The following PROM1 variants were observed in gnomAD, a reference collection of about 807,000 sequenced individuals.
PROM1 encodes the protein prominin-1.
Under a neutral mutation model 116.9 loss-of-function variants are expected in PROM1, and 105 were observed. The ratio of observed to expected loss-of-function variants is 0.90; its 90% CI spans 0.77 to 1.06. The LOEUF (loss-of-function observed/expected upper bound fraction) is 1.06. PROM1 is among the 50% of genes least tolerant of loss of function. The probability of loss-of-function intolerance (pLI) is 0.00; values close to 1 mark genes in which losing one functional copy is unlikely to be tolerated. For missense variants in PROM1, 1,122 were observed against 1,045.2 expected (o/e 1.07, Z -1.01); for synonymous variants, 393 against 387.0 (o/e 1.02, Z -0.18).
At chr4:16,032,725 T>C (rs1333508972) in intron 5 of PROM1, among the ~76,000 whole-genome samples, 2 of 152,218 alleles carry the variant, frequency 1.3e-5, no homozygotes, top group African/African-American at 4.8e-5. Context: ...TGGAAAACTT[T>C]TGAAAGCAGC....
chr4:16,020,475 A>G (rs1037037654), intron 8 of PROM1, among the ~76,000 whole-genome samples: 10 of 152,192 alleles, frequency 6.6e-5, no homozygotes, highest in Admixed American at 1.3e-4. Flanking sequence ...GCAAAACAGA[A>G]AAGAACTCAG....
intron 2 of PROM1, among the ~76,000 whole-genome samples, chr4:16,054,606 T>C (rs566761890): frequency 2.6e-5 from 4 of 152,306 alleles, no homozygotes; most frequent in Admixed American, 2.6e-4. Flanking sequence ...AATTTTCTCA[T>C]CTGTAAAATG....
chr4:16,028,632 T>C (rs1293367266), intron 5 of PROM1, among the ~76,000 whole-genome samples: 4 of 152,234 alleles, frequency 2.6e-5, no homozygotes, highest in Non-Finnish European at 5.9e-5. Flanking sequence ...TTCAGTGTAT[T>C]TTTTAGCAAA....
chr4:15,996,587 G>A (rs886599359), intron 15 of PROM1, among the ~76,000 whole-genome samples: 2 of 152,124 alleles, frequency 1.3e-5, no homozygotes, highest in African/African-American at 4.8e-5. Context: ...AATAACTTCT[G>A]TGGTTTGGCT....
rs1038075441 is a variant in PROM1, at chr4:16,026,369, A to G, written c.510-1057T>C. 2.6e-5 allele frequency among the ~76,000 whole-genome samples: 4 copies of G among 152,200 alleles called. 1 individual carries two copies. The highest frequency in any genetic ancestry group is 4.4e-5 in the Non-Finnish European group (3 of 68,042). On this transcript the variant is annotated intron_variant, in intron 5 of 27. Coordinates refer to ENST00000447510, the MANE Select transcript of PROM1 (RefSeq NM_006017.3). ...TGAATTTGGCCACTAGATGGCAGTA[A>G]GGAACTACATAAACATAGCCGAACT...
chr4:16,069,010 G>A (rs544275753), intron 2 of PROM1, among the ~76,000 whole-genome samples: 5 of 152,270 alleles, frequency 3.3e-5, no homozygotes, highest in African/African-American at 7.2e-5. Context: ...CAAGGCATGC[G>A]GATCACCTGA....
intron 1 of PROM1, chr4:16,083,592 A>G (rs1180906972): frequency 6.6e-6 from 1 of 152,338 alleles, no homozygotes; most frequent in Non-Finnish European, 1.5e-5. Context: ...AGTACAGTGG[A>G]AGGAGTGCGC....
At position 16,000,540 on chromosome 4, in the gene PROM1, C is replaced by A. The variant is rs767897583; in HGVS notation, c.1534G>T (p.Glu512Ter). The change falls in exon 14 of 28, where the codon GAA becomes TAA. Residue 512 changes from glutamate to a stop codon, truncating the protein, a stop_gained. Transcript: ENST00000447510. LOFTEE classifies it high-confidence loss of function. The part of the protein sequence containing the change: ...VLTFVFGANV[E>*]KLICEPYTSK... ...GTGTAAGGTTCACAGATCAGTTTTT[C>A]CACATTTGCACCAAAGACAAAGGTA... is the stretch of plus-strand genomic sequence containing the variant. 1.3e-6 allele frequency: 2 copies of A among 1,595,166 alleles called. No homozygotes were observed. The highest frequency in any genetic ancestry group is 1.7e-6 in the Non-Finnish European group (2 of 1,163,300).
intron 2 of PROM1, among the ~76,000 whole-genome samples, chr4:16,063,793 G>A (rs1326227101): frequency 6.6e-6 from 1 of 152,136 alleles, no homozygotes. Flanking sequence ...TAATAGCATT[G>A]TTCTTATTTT....
intron 1 of PROM1, among the ~76,000 whole-genome samples, chr4:16,077,251 TGGA>T (rs2149593378): frequency 6.6e-6 from 1 of 152,362 alleles, no homozygotes; most frequent in Non-Finnish European, 1.5e-5. Flanking sequence ...GCCTTAGGGC[TGGA>T]GGTGGGACAT....
chr4:16,058,728 C>A (rs916081540), intron 2 of PROM1, among the ~76,000 whole-genome samples: 1 of 149,970 alleles, frequency 6.7e-6, no homozygotes, highest in South Asian at 2.1e-4. Flanking sequence ...AGTAATTTTA[C>A]AGACTTAAAT....
intron 9 of PROM1, among the ~76,000 whole-genome samples, chr4:16,016,804 C>T (rs1395179976): frequency 1.3e-5 from 2 of 152,120 alleles, no homozygotes; most frequent in Admixed American, 6.5e-5. Flanking sequence ...AACTGAAGAC[C>T]ATTCTACAAA....
In PROM1 at chr4:16,055,291, T is replaced by G. The variant is rs555633119; in HGVS notation, c.221-16290A>C. Reference sequence around the variant, plus strand: ...GGCTTACGTCTACAGTTCCAGCTACTCAGGAGGCTGAGGCAGGAGGATCAC... The same window carrying G: ...GGCTTACGTCTACAGTTCCAGCTACGCAGGAGGCTGAGGCAGGAGGATCAC... On this transcript the variant is annotated intron_variant, in intron 2 of 27. Transcript: ENST00000447510. 5 of 434,460 alleles carry G rather than the reference T, an allele frequency of 1.2e-5. No individual in the cohort carries two copies. In the East Asian group the frequency reaches 3.5e-4, roughly 31 times the overall value. The allele number at this position is 434,460 out of a possible 1,614,324, so 26.9% of individuals were successfully genotyped here. A position where few individuals can be genotyped will look rare whatever the true frequency, so the allele number is the denominator to read the frequency against.
chr4:16,038,713 T>A (rs1467993144), intron 3 of PROM1, among the ~76,000 whole-genome samples: 3 of 152,240 alleles, frequency 2.0e-5, no homozygotes, highest in Non-Finnish European at 4.4e-5. Context: ...AGTTTTTAAT[T>A]TTTAAGTAAC....
chr4:16,040,018 C>T (rs1233626910), intron 2 of PROM1, among the ~76,000 whole-genome samples: 1 of 152,066 alleles, frequency 6.6e-6, no homozygotes, highest in African/African-American at 2.4e-5. Flanking sequence ...TGTGCGGGTG[C>T]CTTCCCGCCA....
chr4:15,969,596 TA>T (rs1390528613), intron 27 of PROM1, among the ~76,000 whole-genome samples: 1 of 152,224 alleles, frequency 6.6e-6, no homozygotes, highest in Non-Finnish European at 1.5e-5. Context: ...TTTATTTATT[TA>T]TTTTTTTGAG....
intron 5 of PROM1, among the ~76,000 whole-genome samples, chr4:16,029,340 A>G (rs1732109110): frequency 6.7e-6 from 1 of 148,500 alleles, no homozygotes; most frequent in Non-Finnish European, 1.5e-5. Flanking sequence ...TTAGAAACAT[A>G]CAAAGGAAGT....
chr4:16,035,064 A>T (rs979606648), intron 4 of PROM1, among the ~76,000 whole-genome samples: 7 of 151,968 alleles, frequency 4.6e-5, no homozygotes, highest in African/African-American at 1.7e-4. Context: ...TAAATTGCTT[A>T]AAAAAAAGAG....
chr4:16,043,269 T>A (rs1420828629), intron 2 of PROM1, among the ~76,000 whole-genome samples: 1 of 152,204 alleles, frequency 6.6e-6, no homozygotes, highest in East Asian at 1.9e-4. Flanking sequence ...CTTCAGCCAG[T>A]GAGAGACAGA....
Sources: gnomAD v4.1 joint callset for allele counts (sites outside exome capture counted in the v4.1 genomes callset) on GRCh38, gnomAD v4.1.1 for gene constraint, MANE v1.5 for transcripts, NCBI Gene and HGNC (gene_info 2026-07-23, HGNC 2026-07-21) for gene names.